Variants in DNAJC24 observed in about 807,000 individuals in gnomAD.
The protein encoded by DNAJC24 is DnaJ heat shock protein family (Hsp40) member C24, also known as dnaJ homolog subfamily C member 24.
A neutral mutation model predicts 18.0 loss-of-function variants in DNAJC24; 17 were observed. The ratio of observed to expected loss-of-function variants is 0.94; its 90% CI spans 0.65 to 1.42. DNAJC24 has a LOEUF of 1.42. DNAJC24 is among the 40% of genes most tolerant of loss of function. The probability of loss-of-function intolerance (pLI) is 0.00; values close to 1 mark genes in which losing one functional copy is unlikely to be tolerated. For missense variants in DNAJC24, 158 were observed against 175.6 expected (o/e 0.90, Z 0.57); for synonymous variants, 55 against 57.7 (o/e 0.95, Z 0.21).
intron 3 of DNAJC24, among the ~76,000 whole-genome samples, chr11:31,420,752 G>C (rs1361491685): frequency 6.6e-6 from 1 of 152,082 alleles, no homozygotes; most frequent in Non-Finnish European, 1.5e-5. Context: ...AGTTGATCGG[G>C]GGGGAATTCA....
intron 2 of DNAJC24, among the ~76,000 whole-genome samples, chr11:31,390,395 C>CAAAAAA (rs370680501): frequency 2.1e-5 from 1 of 48,564 alleles, no homozygotes; most frequent in African/African-American, 8.6e-5. Flanking sequence ...GACTCTATCT[C>CAAAAAA]AAAAAAAAAA....
chr11:31,372,379 C>T lies in DNAJC24; in HGVS notation c.111+1520C>T, dbSNP rs943195985. ...CATTGTGAGAGACTAACTGTTTCAT[C>T]ATCAGGATTGTACTAATATTCTTAC... On this transcript the variant is annotated intron_variant, in intron 2 of 4. Transcript: ENST00000465995. 3.0e-5 allele frequency among the ~76,000 whole-genome samples: 4 copies of T among 135,212 alleles called. 1 individual carries two copies. The highest frequency in any genetic ancestry group is 6.8e-5 in the Non-Finnish European group (4 of 58,552). The allele number at this position is 135,212 out of a possible 152,430, so 88.7% of individuals were successfully genotyped here.
At chr11:31,380,871 G>A (rs951730236) in intron 2 of DNAJC24, among the ~76,000 whole-genome samples, 1 of 152,012 alleles carries the variant, frequency 6.6e-6, no homozygotes, top group Admixed American at 6.6e-5. Context: ...ATTATTTTAG[G>A]CTCTAAAAAC....
chr11:31,416,703 T>C (rs1418393920), intron 3 of DNAJC24: 1 of 152,004 alleles, frequency 6.6e-6, no homozygotes, highest in East Asian at 1.9e-4. Flanking sequence ...TCAGGAATCA[T>C]AAAAATATTT....
intron 3 of DNAJC24, among the ~76,000 whole-genome samples, chr11:31,423,609 C>T (rs978997572): frequency 6.6e-6 from 1 of 152,086 alleles, no homozygotes; most frequent in Non-Finnish European, 1.5e-5. Context: ...TCCTCATTTC[C>T]CCCACCATCA....
Position 31,426,305 on chromosome 11 carries a change from T to C in DNAJC24, c.269T>C (p.Val90Ala). ...LQRCEDDLRN[V>A]GPVDAQVYLE... Reference sequence around the variant, plus strand: ...TTTACAGAAGATGATCTAAGAAATGTAGGACCAGTAGATGCTCAAGTATAT... The same window carrying C: ...TTTACAGAAGATGATCTAAGAAATGCAGGACCAGTAGATGCTCAAGTATAT... Residue 90 changes from valine (V) to alanine (A), a missense_variant, in exon 4 of 5, where the codon GTA (valine) becomes GCA (alanine). Coordinates refer to ENST00000465995, the MANE Select transcript of DNAJC24 (RefSeq NM_181706.5). The C allele has an allele frequency of 6.4e-7, 1 of 1,565,760 alleles. No individual in the cohort carries two copies. The highest frequency in any genetic ancestry group is 1.2e-5 in the South Asian group (1 of 83,450).
intron 2 of DNAJC24, among the ~76,000 whole-genome samples, chr11:31,371,190 A>G (rs575710358): frequency 6.6e-6 from 1 of 152,346 alleles, no homozygotes; most frequent in African/African-American, 2.4e-5. Flanking sequence ...GTGTTGTTAC[A>G]TAATAAACAA....
intron 2 of DNAJC24, among the ~76,000 whole-genome samples, chr11:31,398,484 T>G (rs1952565929): frequency 6.6e-6 from 1 of 152,200 alleles, no homozygotes; most frequent in Admixed American, 6.5e-5. Flanking sequence ...TTAAAGAATA[T>G]TTGTACATTT....
chr11:31,400,666 G>C (rs1299644256), intron 2 of DNAJC24, among the ~76,000 whole-genome samples: 1 of 152,178 alleles, frequency 6.6e-6, no homozygotes, highest in Admixed American at 6.5e-5. Flanking sequence ...GGGAAAACTG[G>C]CTAGCCATAT....
chr11:31,411,760 C>T (rs754154846), intron 2 of DNAJC24, among the ~76,000 whole-genome samples: 6 of 152,304 alleles, frequency 3.9e-5, no homozygotes, highest in Non-Finnish European at 5.9e-5. Flanking sequence ...TCATGAACTA[C>T]AACGTAATCA....
At chr11:31,383,932 G>T (rs1467724083) in intron 2 of DNAJC24, among the ~76,000 whole-genome samples, 1 of 152,140 alleles carries the variant, frequency 6.6e-6, no homozygotes, top group African/African-American at 2.4e-5. Flanking sequence ...GCCAAATAGG[G>T]CTATCAGAAC....
At chr11:31,390,755 AC>A (rs1470408942) in intron 2 of DNAJC24, among the ~76,000 whole-genome samples, 1 of 151,444 alleles carries the variant, frequency 6.6e-6, no homozygotes, top group Non-Finnish European at 1.5e-5. Context: ...AAAGCCCAGC[AC>A]CCAATGGATT....
At position 31,426,361 on chromosome 11, in the gene DNAJC24, ATT is replaced by A. The variant is rs11304707; in HGVS notation, c.319+15_319+16del. 1.1e-5 allele frequency: 15 copies of A among 1,418,434 alleles called. No homozygotes were observed. The highest frequency in any genetic ancestry group is 4.0e-5 in the South Asian group (3 of 74,140). The allele number at this position is 1,418,434 out of a possible 1,614,324, so 87.9% of individuals were successfully genotyped here. A position where few individuals can be genotyped will look rare whatever the true frequency, so the allele number is the denominator to read the frequency against. On this transcript the variant is annotated splice_region_variant and intron_variant, in intron 4 of 4. Transcript: ENST00000465995. ...AGAAATGTCTTGGAATGAAGGTTGG[ATT>A]TTTTTTTTCTCTTGACAACATTTAA...
At chr11:31,380,564 G>A (rs1952366559) in intron 2 of DNAJC24, among the ~76,000 whole-genome samples, 1 of 152,082 alleles carries the variant, frequency 6.6e-6, no homozygotes, top group African/African-American at 2.4e-5. Context: ...AGAAACTAGG[G>A]TGATAGTTGT....
At chr11:31,397,477 ATTTT>A (rs3071550) in intron 2 of DNAJC24, among the ~76,000 whole-genome samples, 1,638 of 144,294 alleles carry the variant, frequency 0.011, 27 homozygotes, top group African/African-American at 0.028. Flanking sequence ...TACCTTTGTG[ATTTT>A]TTTTTTTTTT....
At chr11:31,394,642 A>G (rs1185786148) in intron 2 of DNAJC24, among the ~76,000 whole-genome samples, 2 of 152,104 alleles carry the variant, frequency 1.3e-5, no homozygotes, top group African/African-American at 4.8e-5. Context: ...ATATAAAATA[A>G]AAGGAACCAT....
intron 2 of DNAJC24, among the ~76,000 whole-genome samples, chr11:31,403,979 A>G (rs1952628640): frequency 6.6e-6 from 1 of 152,204 alleles, no homozygotes; most frequent in Non-Finnish European, 1.5e-5. Context: ...ATTATATGTT[A>G]AACAAGGGGT....
At chr11:31,429,488 T>C in intron 4 of DNAJC24, 1 of 399,730 alleles carries the variant, frequency 2.5e-6, no homozygotes, top group Admixed American at 2.4e-5. Flanking sequence ...GACAGTTACT[T>C]CTCAGAGACA....
intron 2 of DNAJC24, among the ~76,000 whole-genome samples, chr11:31,376,054 T>A (rs1313611997): frequency 6.8e-6 from 1 of 146,806 alleles, no homozygotes; most frequent in East Asian, 1.9e-4. Flanking sequence ...AATCATGGGG[T>A]GGCGAGGAGG....
Sources: allele counts gnomAD v4.1 joint callset (sites outside exome capture counted in the v4.1 genomes callset), GRCh38; gene constraint gnomAD v4.1.1; transcripts MANE v1.5; gene names NCBI Gene and HGNC (gene_info 2026-07-23, HGNC 2026-07-21).